The following DNAAF1 variants were observed in gnomAD, a reference collection of about 807,000 sequenced individuals.
The protein encoded by DNAAF1 is dynein assembly factor 1, axonemal.
DNAAF1 carries 65 observed loss-of-function variants against 71.1 expected under a neutral mutation model. The observed-to-expected ratio is 0.91, with a 90% CI of 0.75 to 1.12. The LOEUF is 1.12. Ranked by LOEUF, DNAAF1 falls within the 50% of genes most tolerant of loss-of-function variation. The probability of loss-of-function intolerance (pLI) is 0.00; values close to 1 mark genes in which losing one functional copy is unlikely to be tolerated. For missense variants in DNAAF1, 1,178 were observed against 899.8 expected (o/e 1.31, Z -3.96); for synonymous variants, 414 against 354.6 (o/e 1.17, Z -1.88).
At position 84,154,603 on chromosome 16, in the gene DNAAF1, G is replaced by T; in HGVS notation, c.379G>T (p.Glu127Ter). 6.2e-7 allele frequency: 1 copy of T among 1,614,150 alleles called. No individual in the cohort carries two copies. Among genetic ancestry groups the T allele is most frequent in the Non-Finnish European group, 8.5e-7 (1 of 1,180,034 alleles). ...TTTTGATCGCATTGAGAACCTGGAA[G>T]AGTACACAGGGCTGCGCTGTCTCTG... Reference protein sequence around the residue: ...KGFDRIENLEEYTGLRCLWLQ... With the variant: ...KGFDRIENLE The change falls in exon 4 of 12, where the codon GAG becomes TAG. Residue 127 changes from glutamate (E) to a stop codon, truncating the protein, a stop_gained. Coordinates refer to ENST00000378553, the MANE Select transcript of DNAAF1 (RefSeq NM_178452.6). LOFTEE classifies it high-confidence loss of function.
At chr16:84,145,960 G>C (rs1400003339) in intron 1 of DNAAF1, among the ~76,000 whole-genome samples, 1 of 152,128 alleles carries the variant, frequency 6.6e-6, no homozygotes. Flanking sequence ...AGCTGGGCGT[G>C]GTGGCGGGCG....
At chr16:84,148,931 T>C (rs1266276426) in intron 1 of DNAAF1, 76 bp from the exon 2 acceptor site, 2 of 1,555,434 alleles carry the variant, frequency 1.3e-6, no homozygotes, top group Non-Finnish European at 1.8e-6. Flanking sequence ...TGGATGGTCA[T>C]TAACCAAGCT....
chr16:84,145,508 G>T lies in DNAAF1; in HGVS notation c.68G>T (p.Gly23Val). The change falls in exon 1 of 12, where the codon GGC becomes GTC. Residue 23 changes from glycine (G) to valine (V), a missense_variant. Physicochemically the swap from Gly to Val is moderately radical, Grantham distance 109. Coordinates refer to ENST00000378553, the MANE Select transcript of DNAAF1 (RefSeq NM_178452.6). Reference protein sequence around the residue: ...AAELDCAQEPGVEESAGDHGS... With the variant: ...AAELDCAQEPVVEESAGDHGS... Reference sequence around the variant, plus strand: ...GAGCTGGATTGCGCGCAGGAGCCCGGCGTGGAGGAGTCTGCGGGTGACCAC... The same window carrying T: ...GAGCTGGATTGCGCGCAGGAGCCCGTCGTGGAGGAGTCTGCGGGTGACCAC... 1 of 1,561,820 alleles carries T rather than the reference G, an allele frequency of 6.4e-7. No individual in the cohort carries two copies. Among genetic ancestry groups the T allele is most frequent in the Non-Finnish European group, 8.7e-7 (1 of 1,152,788 alleles).
chr16:84,158,855 T>C (rs1319998092), intron 5 of DNAAF1: 1 of 184,592 alleles, frequency 5.4e-6, no homozygotes. Flanking sequence ...TCAGGCCCCA[T>C]GAATAGCTGG....
intron 3 of DNAAF1, among the ~76,000 whole-genome samples, chr16:84,153,301 T>C (rs1004578694): frequency 4.6e-5 from 7 of 152,178 alleles, no homozygotes; most frequent in Non-Finnish European, 1.0e-4. Context: ...GCTTAATACC[T>C]AGGTGATGGG....
chr16:84,148,872 G>A, intron 1 of DNAAF1, 135 bp from the exon 2 acceptor site: 1 of 1,035,770 alleles, frequency 9.7e-7, no homozygotes, highest in South Asian at 1.3e-5. Flanking sequence ...TTACAGGCCT[G>A]AGCCACCATA....
At position 84,172,173 on chromosome 16, in the gene DNAAF1, G is replaced by A. The variant is rs887472427; in HGVS notation, c.1529-87G>A. On this transcript the variant is annotated intron_variant, in intron 8 of 11. Coordinates refer to ENST00000378553, the MANE Select transcript of DNAAF1 (RefSeq NM_178452.6). ...ATTACAGGCATGAGCCACCGAGCCC[G>A]GCCCTTGGGAGCCCATCTTCACCGT... 7.5e-5 allele frequency: 98 copies of A among 1,298,704 alleles called. 2 individuals are homozygous for A. Among genetic ancestry groups the A allele is most frequent in the South Asian group, 5.9e-4 (47 of 80,202 alleles). 80.4% of individuals were successfully genotyped at this position (1,298,704 alleles called of 1,614,324 possible).
chr16:84,149,230 C>T lies in DNAAF1; in HGVS notation c.260+88C>T, dbSNP rs147309700. ...CCTTGTACGGATAATGAAATAGAGG[C>T]TGGTAGAGATTGAATTGCCTGCCCA... On this transcript the variant is annotated intron_variant, in intron 2 of 11. Transcript: ENST00000378553. 28 of 1,539,994 alleles carry T rather than the reference C, an allele frequency of 1.8e-5. No homozygotes were observed. The East Asian group carries it at 5.6e-4, about 31-fold the overall frequency.
intron 5 of DNAAF1, among the ~76,000 whole-genome samples, chr16:84,157,049 G>T (rs1242722971): frequency 1.3e-5 from 2 of 151,526 alleles, no homozygotes; most frequent in African/African-American, 4.9e-5. Flanking sequence ...GATGGGTTTT[G>T]CCATATTGCT....
At chr16:84,172,467 C>A in intron 9 of DNAAF1, 92 bp downstream of exon 9, 1 of 1,551,136 alleles carries the variant, frequency 6.4e-7, no homozygotes, top group East Asian at 2.4e-5. Context: ...CCTCGATACC[C>A]CAAGTGTGGT....
intron 1 of DNAAF1, among the ~76,000 whole-genome samples, chr16:84,147,044 A>G (rs112085540): frequency 0.011 from 1,714 of 152,274 alleles, 28 homozygotes; most frequent in African/African-American, 0.039. Context: ...GCAGCTGGCC[A>G]GCTTTATGGC....
intron 1 of DNAAF1, among the ~76,000 whole-genome samples, chr16:84,146,568 T>G (rs1215292409): frequency 6.6e-6 from 1 of 152,026 alleles, no homozygotes; most frequent in Non-Finnish European, 1.5e-5. Context: ...AACACAAAAA[T>G]TAGCAGGGCG....
intron 1 of DNAAF1, among the ~76,000 whole-genome samples, chr16:84,148,155 C>A (rs1263286462): frequency 1.3e-5 from 2 of 152,044 alleles, no homozygotes; most frequent in Admixed American, 1.3e-4. Context: ...CATTCCTTTC[C>A]TCCCTTGTCC....
chr16:84,148,596 C>CTCTCTCTCTTTTTTTTTTTTTTTTT, intron 1 of DNAAF1, among the ~76,000 whole-genome samples: 7 of 43,576 alleles, frequency 1.6e-4, no homozygotes, highest in African/African-American at 5.5e-4. Context: ...CTCTCTCTCT[C>CTCTCTCTCTTTTTTTTTTTTTTTTT]TTTTTTTTTT....
chr16:84,176,414 C>A, intron 11 of DNAAF1, 115 bp downstream of exon 11: 1 of 1,478,198 alleles, frequency 6.8e-7, no homozygotes, highest in Non-Finnish European at 9.3e-7. Flanking sequence ...CTGGAGGGGT[C>A]ACCCAGGACA....
rs149158199 is a variant in DNAAF1 at position 84,170,131 on chromosome 16, G to A, written c.1303G>A (p.Asp435Asn). Reference sequence around the variant, plus strand: ...TGTGGAGGTTAAAGGAGAGGACGGAGATGGAGAGCCAGAGGGGACCCTCCC... The same window carrying A: ...TGTGGAGGTTAAAGGAGAGGACGGAAATGGAGAGCCAGAGGGGACCCTCCC... ...SPVEVKGEDG[D>N]GEPEGTLPAE... The change falls in exon 8 of 12, where the codon GAT becomes AAT. Residue 435 changes from aspartate to asparagine, a missense_variant. Physicochemically the swap from Asp to Asn is conservative, Grantham distance 23. Coordinates refer to ENST00000378553, the MANE Select transcript of DNAAF1 (RefSeq NM_178452.6). 45,540 of 1,590,246 alleles carry A rather than the reference G, an allele frequency of 0.029. 756 individuals carry two copies. Among genetic ancestry groups the A allele is most frequent in the Middle Eastern group, 0.048 (280 of 5,840 alleles).
At chr16:84,153,177 T>C (rs1366763348) in intron 3 of DNAAF1, among the ~76,000 whole-genome samples, 1 of 152,214 alleles carries the variant, frequency 6.6e-6, no homozygotes, top group Non-Finnish European at 1.5e-5. Context: ...TTATAGATAC[T>C]GACTTCAGCA....
intron 7 of DNAAF1, among the ~76,000 whole-genome samples, chr16:84,167,301 G>A (rs984521201): frequency 3.3e-5 from 5 of 152,138 alleles, no homozygotes; most frequent in South Asian, 2.1e-4. Context: ...GCCACACCCC[G>A]CTCCAGGTAA....
chr16:84,167,222 T>C (rs1019392710), intron 7 of DNAAF1, among the ~76,000 whole-genome samples: 2 of 152,080 alleles, frequency 1.3e-5, no homozygotes, highest in African/African-American at 4.8e-5. Flanking sequence ...GGGATGCAGA[T>C]GAACAGCAAG....
Sources: gnomAD v4.1 joint callset for allele counts (sites outside exome capture counted in the v4.1 genomes callset) on GRCh38, gnomAD v4.1.1 for gene constraint, MANE v1.5 for transcripts, NCBI Gene and HGNC (gene_info 2026-07-23, HGNC 2026-07-21) for gene names.